CDH18: variants seen among roughly 807,000 people sequenced by gnomAD.
CDH18 encodes cadherin-18.
A neutral mutation model predicts 67.9 loss-of-function variants in CDH18; 31 were observed. The observed-to-expected ratio is 0.46, with a 90% CI of 0.34 to 0.62. The LOEUF (loss-of-function observed/expected upper bound fraction) is 0.62. Among genes scored for constraint, CDH18 ranks in the 20% least tolerant of loss-of-function variants. The pLI is 0.01. For missense variants in CDH18, 890 were observed against 975.5 expected, an observed-to-expected ratio of 0.91 and a Z score of 1.17; for synonymous variants, 362 against 347.2, an observed-to-expected ratio of 1.04 and a Z score of -0.48.
At chr5:19,869,802 T>G (rs184406371) in intron 2 of CDH18, among the ~76,000 whole-genome samples, 48 of 152,250 alleles carry the variant, frequency 3.2e-4, no homozygotes, top group Middle Eastern at 3.4e-3. Flanking sequence ...TTCACATTTC[T>G]AGATAATTCT....
chr5:20,561,173 T>C (rs1257046993), intron 1 of CDH18, among the ~76,000 whole-genome samples: 5 of 152,100 alleles, frequency 3.3e-5, no homozygotes, highest in Non-Finnish European at 7.4e-5. Flanking sequence ...ATAAATTGCA[T>C]AGCCATAGTG....
chr5:19,813,308 C>CA (rs1433533031), intron 3 of CDH18, among the ~76,000 whole-genome samples: 1 of 151,620 alleles, frequency 6.6e-6, no homozygotes, highest in African/African-American at 2.4e-5. Context: ...TTACAATAGG[C>CA]ACAATGGAAT....
chr5:20,155,748 G>A (rs762285680), intron 2 of CDH18, among the ~76,000 whole-genome samples: 1 of 152,044 alleles, frequency 6.6e-6, no homozygotes, highest in Non-Finnish European at 1.5e-5. Context: ...GTTAATTTTT[G>A]TATATGGTAA....
intron 2 of CDH18, among the ~76,000 whole-genome samples, chr5:20,180,976 A>T (rs1737643512): frequency 6.6e-6 from 1 of 152,072 alleles, no homozygotes; most frequent in Non-Finnish European, 1.5e-5. Context: ...TGTTTCCTTC[A>T]CTCATGCTGT....
At chr5:20,056,388 TTTTGTTTG>T (rs371360068) in intron 2 of CDH18, among the ~76,000 whole-genome samples, 5 of 149,280 alleles carry the variant, frequency 3.3e-5, no homozygotes, top group African/African-American at 1.2e-4. Flanking sequence ...AAGCTGTTTT[TTTTGTTTG>T]TTTGTTTGTT....
chr5:19,602,482 C>G (rs1226177260), intron 6 of CDH18, among the ~76,000 whole-genome samples: 7 of 151,424 alleles, frequency 4.6e-5, no homozygotes, highest in Non-Finnish European at 1.0e-4. Context: ...CACACACAAT[C>G]CAATCTTTTA....
chr5:20,523,169 T>C (rs996288326), intron 1 of CDH18, among the ~76,000 whole-genome samples: 4 of 152,218 alleles, frequency 2.6e-5, no homozygotes, highest in African/African-American at 9.6e-5. Context: ...CCAAGTGGTA[T>C]GTTGCTGAAA....
chr5:19,730,965 G>A (rs1264034990), intron 4 of CDH18, among the ~76,000 whole-genome samples: 1 of 152,176 alleles, frequency 6.6e-6, no homozygotes, highest in Non-Finnish European at 1.5e-5. Context: ...CTGTGGAGAT[G>A]AGGAGGCTTT....
chr5:19,882,498 A>G (rs1787762164), intron 2 of CDH18, among the ~76,000 whole-genome samples: 1 of 152,134 alleles, frequency 6.6e-6, no homozygotes, highest in Non-Finnish European at 1.5e-5. Flanking sequence ...CACATTGTTT[A>G]AAAATTGGAA....
intron 1 of CDH18, among the ~76,000 whole-genome samples, chr5:20,562,736 A>ATTC (rs1382909905): frequency 2.0e-5 from 3 of 151,896 alleles, no homozygotes; most frequent in Non-Finnish European, 4.4e-5. Flanking sequence ...GGAATAAAAC[A>ATTC]TTATTGCGTA....
intron 1 of CDH18, among the ~76,000 whole-genome samples, chr5:20,414,325 A>G (rs1747087302): frequency 6.6e-6 from 1 of 152,210 alleles, no homozygotes; most frequent in Admixed American, 6.5e-5. Context: ...AACAATATGA[A>G]TGCAGTTGGG....
At chr5:20,026,934 G>T (rs570795133) in intron 2 of CDH18, among the ~76,000 whole-genome samples, 1 of 151,108 alleles carries the variant, frequency 6.6e-6, no homozygotes, top group East Asian at 1.9e-4. Flanking sequence ...TCCAGTCTGG[G>T]TGACAGCGTG....
intron 3 of CDH18, among the ~76,000 whole-genome samples, chr5:19,805,317 T>C (rs1777924844): frequency 6.6e-6 from 1 of 152,122 alleles, no homozygotes; most frequent in African/African-American, 2.4e-5. Context: ...TCCTTGAAAC[T>C]TTCTCCTTTG....
intron 1 of CDH18, among the ~76,000 whole-genome samples, chr5:20,407,207 C>T (rs1350133801): frequency 6.6e-6 from 1 of 151,962 alleles, no homozygotes; most frequent in East Asian, 1.9e-4. Flanking sequence ...TCATTTTTTC[C>T]CAGGGGAGGG....
intron 5 of CDH18, among the ~76,000 whole-genome samples, chr5:19,653,723 TTC>T (rs1755913764): frequency 6.6e-6 from 1 of 152,174 alleles, no homozygotes; most frequent in Non-Finnish European, 1.5e-5. Flanking sequence ...AGCCTGGGCT[TTC>T]TGTCTCTTCC....
At chr5:20,383,307 C>G (rs1405689332) in intron 1 of CDH18, among the ~76,000 whole-genome samples, 1 of 152,042 alleles carries the variant, frequency 6.6e-6, no homozygotes, top group Non-Finnish European at 1.5e-5. Flanking sequence ...CAAATATAAG[C>G]CATTGAAGTA....
intron 8 of CDH18, among the ~76,000 whole-genome samples, chr5:19,551,169 G>A (rs1192253022): frequency 1.3e-5 from 2 of 152,094 alleles, no homozygotes; most frequent in Admixed American, 6.6e-5. Context: ...AAATGAAGAA[G>A]CAAGAAGAAT....
At chr5:19,728,701 T>C (rs953746609) in intron 4 of CDH18, among the ~76,000 whole-genome samples, 2 of 152,202 alleles carry the variant, frequency 1.3e-5, no homozygotes, top group African/African-American at 2.4e-5. Context: ...CAAATTGTTA[T>C]GCATGACTTG....
At position 19,843,478 on chromosome 5, in the gene CDH18, C is replaced by T. The variant is rs148560505; in HGVS notation, c.-256-4236G>A. On this transcript the variant is annotated intron_variant, in intron 2 of 12. Coordinates refer to ENST00000382275, the MANE Select transcript of CDH18 (RefSeq NM_004934.5). ...CTAGATTTCAGAGGATGTATAGGAA[C>T]ACCTGGATGGCTAGCAGAAGTTTAT... 6.2e-3 allele frequency among the ~76,000 whole-genome samples: 853 copies of T among 137,604 alleles called. 7 individuals carry two copies. The highest frequency in any genetic ancestry group is 0.021 in the African/African-American group (825 of 38,496). The allele number at this position is 137,604 out of a possible 152,430, so 90.3% of individuals were successfully genotyped here. A position where few individuals can be genotyped will look rare whatever the true frequency, so the allele number is the denominator to read the frequency against.
Sources: gnomAD v4.1 joint callset for allele counts (sites outside exome capture counted in the v4.1 genomes callset) on GRCh38, gnomAD v4.1.1 for gene constraint, MANE v1.5 for transcripts, NCBI Gene and HGNC (gene_info 2026-07-23, HGNC 2026-07-21) for gene names.